The following SVIL variants were observed in gnomAD, a reference collection of about 807,000 sequenced individuals.
SVIL encodes archvillin.
Under a neutral mutation model 240.4 loss-of-function variants are expected in SVIL, and 101 were observed. That is an observed-to-expected ratio of 0.42 (90% CI 0.36 to 0.50). The LOEUF is 0.50. SVIL is among the 20% of genes least tolerant of loss of function. The pLI, the probability that SVIL is intolerant of heterozygous loss-of-function variation, is 0.01. For synonymous variants in SVIL, 999 were observed against 1,100.0 expected, an observed-to-expected ratio of 0.91 and a Z score of 1.82; for missense variants, 2,512 against 2,818.7, an observed-to-expected ratio of 0.89 and a Z score of 2.46.
rs1023565759 is a variant in SVIL at position 29,462,726 on chromosome 10, G to A, written c.6278-325C>T. 2.6e-5 allele frequency among the ~76,000 whole-genome samples: 4 copies of A among 152,168 alleles called. No homozygotes were observed. The South Asian group carries it at 8.3e-4, about 32-fold the overall frequency. Reference sequence around the variant, plus strand: ...TCTTCCTCCTGAATTCACCTGTAGAGTCATCCGTCTCATTTCCTAGCACAG... The same window carrying A: ...TCTTCCTCCTGAATTCACCTGTAGAATCATCCGTCTCATTTCCTAGCACAG... On this transcript the variant is annotated intron_variant, in intron 35 of 37. Transcript: ENST00000355867.
chr10:29,714,184 A>C (rs950851075), intron 1 of SVIL, among the ~76,000 whole-genome samples: 8 of 152,234 alleles, frequency 5.3e-5, no homozygotes, highest in African/African-American at 1.9e-4. Flanking sequence ...TGTTGCTGCC[A>C]TTTCAGAGGG....
intron 6 of SVIL, among the ~76,000 whole-genome samples, chr10:29,544,699 A>G (rs1052042840): frequency 4.1e-5 from 6 of 147,106 alleles, no homozygotes; most frequent in African/African-American, 1.5e-4. Context: ...TCAAGGCTGC[A>G]GTGAGATTGT....
At chr10:29,470,958 T>C (rs891892444) in intron 31 of SVIL, among the ~76,000 whole-genome samples, 180 bp downstream of exon 31, 1 of 152,040 alleles carries the variant, frequency 6.6e-6, no homozygotes, top group Admixed American at 6.5e-5. Flanking sequence ...GAGTAAATTC[T>C]CCAGGGAGAG....
intron 1 of SVIL, among the ~76,000 whole-genome samples, chr10:29,590,766 T>A (rs556498357): frequency 6.6e-6 from 1 of 152,314 alleles, no homozygotes; most frequent in Admixed American, 6.5e-5. Flanking sequence ...TGATTTAACT[T>A]AGTCACAGTT....
chr10:29,594,369 A>G (rs1449669355), intron 1 of SVIL, among the ~76,000 whole-genome samples: 3 of 113,730 alleles, frequency 2.6e-5, no homozygotes, highest in Non-Finnish European at 5.6e-5. Context: ...ATTTGTTCAA[A>G]CCCACAGGCT....
At chr10:29,565,175 T>A (rs1954864935) in intron 2 of SVIL, among the ~76,000 whole-genome samples, 1 of 152,204 alleles carries the variant, frequency 6.6e-6, no homozygotes, top group African/African-American at 2.4e-5. Context: ...AATAAACATC[T>A]GTATGCCGTT....
intron 1 of SVIL, among the ~76,000 whole-genome samples, chr10:29,720,179 G>A (rs764396599): frequency 5.9e-5 from 9 of 152,062 alleles, no homozygotes; most frequent in Non-Finnish European, 1.3e-4. Flanking sequence ...ACTCTGCCCT[G>A]GATGACACAG....
At chr10:29,522,719 A>C in intron 15 of SVIL, 84 bp from the exon 16 acceptor site, 2 of 1,458,728 alleles carry the variant, frequency 1.4e-6, no homozygotes, top group Non-Finnish European at 1.9e-6. Context: ...TGCAGCTCTC[A>C]GGGTTCAATC....
At chr10:29,531,673 C>T (rs901668165) in intron 9 of SVIL, among the ~76,000 whole-genome samples, 2 of 152,164 alleles carry the variant, frequency 1.3e-5, no homozygotes, top group Non-Finnish European at 2.9e-5. Context: ...GTTATTTTCA[C>T]TGTAAAATCT....
chr10:29,499,341 A>C (rs1024136076), intron 17 of SVIL, 78 bp from the exon 18 acceptor site: 11 of 1,576,174 alleles, frequency 7.0e-6, no homozygotes, highest in African/African-American at 2.7e-5. Context: ...GCATTTCATG[A>C]GTGAAAAAAG....
chr10:29,718,600 G>A (rs1328864112), intron 1 of SVIL, among the ~76,000 whole-genome samples: 1 of 152,122 alleles, frequency 6.6e-6, no homozygotes, highest in Admixed American at 6.6e-5. Context: ...TCCCAGAGCC[G>A]AGAATCTGGG....
chr10:29,461,924 C>T (rs563459213), intron 36 of SVIL, among the ~76,000 whole-genome samples: 388 of 152,260 alleles, frequency 2.5e-3, no homozygotes, highest in Admixed American at 4.4e-3. Flanking sequence ...TTTGGTTGTG[C>T]GTCACATGGA....
intron 1 of SVIL, among the ~76,000 whole-genome samples, chr10:29,586,733 C>T (rs1036744048): frequency 2.0e-5 from 3 of 152,146 alleles, no homozygotes; most frequent in African/African-American, 7.2e-5. Context: ...AAACTATGTC[C>T]TCTGCAGGGA....
At chr10:29,541,527 A>C (rs1251130192) in intron 6 of SVIL, among the ~76,000 whole-genome samples, 1 of 152,242 alleles carries the variant, frequency 6.6e-6, no homozygotes, top group Non-Finnish European at 1.5e-5. Context: ...TGGGGGCAGA[A>C]GCAGGATAAA....
At chr10:29,518,570 T>C (rs778259608) in intron 16 of SVIL, among the ~76,000 whole-genome samples, 1 of 152,064 alleles carries the variant, frequency 6.6e-6, no homozygotes, top group African/African-American at 2.4e-5. Context: ...CAATATTAAA[T>C]GAAAGCCGGG....
intron 17 of SVIL, among the ~76,000 whole-genome samples, chr10:29,507,520 T>C (rs1431194911): frequency 6.6e-6 from 1 of 151,026 alleles, no homozygotes; most frequent in Non-Finnish European, 1.5e-5. Context: ...CAGACTCTTA[T>C]AGACACACAC....
At chr10:29,625,703 C>T (rs1482918223) in intron 1 of SVIL, among the ~76,000 whole-genome samples, 2 of 152,166 alleles carry the variant, frequency 1.3e-5, no homozygotes, top group Non-Finnish European at 2.9e-5. Context: ...ATCTCGTGAT[C>T]CACCCGCCTT....
At chr10:29,597,869 C>T (rs1420572527) in intron 1 of SVIL, among the ~76,000 whole-genome samples, 3 of 151,914 alleles carry the variant, frequency 2.0e-5, no homozygotes, top group African/African-American at 7.3e-5. Flanking sequence ...TCTCTGCCAC[C>T]GCTCACACAG....
chr10:29,630,650 C>T (rs547015696), intron 1 of SVIL, among the ~76,000 whole-genome samples: 1 of 152,172 alleles, frequency 6.6e-6, no homozygotes, highest in South Asian at 2.1e-4. Flanking sequence ...CTTAATTTCC[C>T]GGTTGGCAAA....
Sources: gnomAD v4.1 joint callset for allele counts (sites outside exome capture counted in the v4.1 genomes callset) on GRCh38, gnomAD v4.1.1 for gene constraint, MANE v1.5 for transcripts, NCBI Gene and HGNC (gene_info 2026-07-23, HGNC 2026-07-21) for gene names.